Variants in RLN2 observed in about 807,000 individuals in gnomAD.
RLN2 encodes prorelaxin H2.
In RLN2, 10 loss-of-function variants were observed where a neutral mutation model predicts 7.3. The ratio of observed to expected loss-of-function variants is 1.36; its 90% CI spans 0.84 to 2.31. RLN2 has a LOEUF of 2.31. Among genes scored for constraint, RLN2 ranks in the 30% most tolerant of loss-of-function variants. RLN2 has a pLI of 0.00. For missense variants in RLN2, 298 were observed against 217.6 expected, an observed-to-expected ratio of 1.37 and a Z score of -2.32; for synonymous variants, 103 against 82.3, an observed-to-expected ratio of 1.25 and a Z score of -1.36.
the RLN2 span, among the ~76,000 whole-genome samples, chr9:5,322,822 T>G: frequency 6.6e-6 from 1 of 151,992 alleles, no homozygotes; most frequent in Non-Finnish European, 1.5e-5. Context: ...CACATGATGT[T>G]ATAATATTGG....
the RLN2 span, among the ~76,000 whole-genome samples, chr9:5,312,305 T>G: frequency 2.0e-5 from 3 of 152,170 alleles, no homozygotes; most frequent in African/African-American, 7.2e-5. Context: ...AGACATCTAT[T>G]GGGACCTGAC....
chr9:5,305,272 C>T (rs970391301), upstream of RLN2, among the ~76,000 whole-genome samples: 4 of 151,664 alleles, frequency 2.6e-5, no homozygotes, highest in Non-Finnish European at 4.4e-5. Context: ...TTTCCTTCCA[C>T]TCTTGGGGAT....
At chr9:5,321,627 G>A in the RLN2 span, among the ~76,000 whole-genome samples, 1 of 151,910 alleles carries the variant, frequency 6.6e-6, no homozygotes, top group Non-Finnish European at 1.5e-5. Context: ...GGGATGCAGG[G>A]TGGGGGGAAG....
chr9:5,300,245 T>G lies in RLN2; in HGVS notation c.411A>C (p.Gln137His), dbSNP rs1816084704. Residue 137 changes from glutamine to histidine, a missense_variant, in exon 2 of 2, where the codon CAA becomes CAC. Transcript: ENST00000381627. ...AAGGACTGCTGTCTGCGGCTTCACTTTGTCTATTGCGAATAAGTTTCTTAA... is the reference window on the plus strand; with the variant it reads ...AAGGACTGCTGTCTGCGGCTTCACTGTGTCTATTGCGAATAAGTTTCTTAA... The part of the protein sequence containing the change: ...EEFKKLIRNR[Q>H]SEAADSSPSE... 1 of 1,613,922 alleles carries G rather than the reference T, an allele frequency of 6.2e-7. No homozygotes were observed.
the RLN2 span, among the ~76,000 whole-genome samples, chr9:5,316,644 T>C: frequency 1.3e-5 from 2 of 152,114 alleles, no homozygotes; most frequent in African/African-American, 2.4e-5. Context: ...TATGGCTGCA[T>C]AGTATTCCAT....
At chr9:5,330,266 A>G in the RLN2 span, among the ~76,000 whole-genome samples, 2 of 152,072 alleles carry the variant, frequency 1.3e-5, no homozygotes, top group Non-Finnish European at 2.9e-5. Context: ...AGCAGTGTGT[A>G]GAAGAAAATT....
the RLN2 span, among the ~76,000 whole-genome samples, chr9:5,337,821 A>T: frequency 6.6e-6 from 1 of 152,082 alleles, no homozygotes; most frequent in Non-Finnish European, 1.5e-5. Flanking sequence ...AAAGAAATAA[A>T]AGTGTAGCTA....
chr9:5,302,015 T>G (rs1816157314), intron 1 of RLN2, among the ~76,000 whole-genome samples: 1 of 152,178 alleles, frequency 6.6e-6, no homozygotes, highest in Non-Finnish European at 1.5e-5. Context: ...CTCTCTTTGA[T>G]CCAACCTAAA....
chr9:5,307,161 T>C (rs563651531), upstream of RLN2, among the ~76,000 whole-genome samples: 20 of 152,028 alleles, frequency 1.3e-4, no homozygotes, highest in African/African-American at 4.6e-4. Flanking sequence ...TGGATGCTTT[T>C]TCTCACAGGC....
At chr9:5,304,152 C>T (rs1323697751) in intron 1 of RLN2, 1 of 439,910 alleles carries the variant, frequency 2.3e-6, no homozygotes, top group South Asian at 2.2e-5. Flanking sequence ...AGTGCTTTCC[C>T]TCCGTCCGGT....
At chr9:5,327,806 C>T in the RLN2 span, among the ~76,000 whole-genome samples, 1 of 152,038 alleles carries the variant, frequency 6.6e-6, no homozygotes, top group Non-Finnish European at 1.5e-5. Flanking sequence ...TCCAACACAC[C>T]TGCAGCTGAG....
At position 5,299,947 on chromosome 9, in the gene RLN2, A is replaced by T. The variant is rs1285115418; in HGVS notation, c.*151T>A. The T allele has an allele frequency of 6.3e-6, 3 of 474,492 alleles. No individual in the cohort carries two copies. Among genetic ancestry groups the T allele is most frequent in the African/African-American group, 6.0e-5 (3 of 50,244 alleles). The allele number at this position is 474,492 out of a possible 1,614,324, so 29.4% of individuals were successfully genotyped here. A position where few individuals can be genotyped will look rare whatever the true frequency, so the allele number is the denominator to read the frequency against. On this transcript the variant is annotated 3_prime_UTR_variant, in exon 2 of 2. Coordinates refer to ENST00000381627, the MANE Select transcript of RLN2 (RefSeq NM_134441.3). ...TAAAAAAATCTAAACATCAACAAAG[A>T]TGTTTAGATATTCTAAGAATTGATG...
At chr9:5,335,239 A>T in the RLN2 span, 1 of 1,538,326 alleles carries the variant, frequency 6.5e-7, no homozygotes, top group Non-Finnish European at 8.8e-7. Context: ...GATGTGCACA[A>T]TTAGCTTCAT....
the RLN2 span, chr9:5,335,461 T>C: frequency 2.5e-6 from 4 of 1,613,622 alleles, no homozygotes; most frequent in East Asian, 6.7e-5. Context: ...TTAATGCAGG[T>C]ACATACTGCT....
the RLN2 span, among the ~76,000 whole-genome samples, chr9:5,319,107 T>C: frequency 7.8e-3 from 1,187 of 152,114 alleles, 16 homozygotes; most frequent in Admixed American, 0.012. Flanking sequence ...CTTTTTATCA[T>C]TAACACCAAG....
the RLN2 span, among the ~76,000 whole-genome samples, chr9:5,312,474 T>C: frequency 9.4e-4 from 143 of 152,208 alleles, 3 homozygotes; most frequent in African/African-American, 3.2e-3. Context: ...AGGGTCGGCT[T>C]GTGAAAAGTT....
At chr9:5,304,722 C>G (rs1816211404), upstream of RLN2, 2 of 782,724 alleles carry the variant, frequency 2.6e-6, no homozygotes, top group Non-Finnish European at 4.2e-6. Context: ...TTTTGTATCC[C>G]TTGGGCTATC....
At chr9:5,316,206 A>G in the RLN2 span, among the ~76,000 whole-genome samples, 2 of 152,048 alleles carry the variant, frequency 1.3e-5, no homozygotes, top group South Asian at 4.2e-4. Flanking sequence ...TTAAGTATAT[A>G]CTTATCATTG....
At chr9:5,321,454 T>C in the RLN2 span, among the ~76,000 whole-genome samples, 12 of 152,072 alleles carry the variant, frequency 7.9e-5, 1 homozygote, top group Non-Finnish European at 1.8e-4. Flanking sequence ...ATTTACACTT[T>C]GTATTTCTTT....
Sources: gnomAD v4.1 joint callset for allele counts (sites outside exome capture counted in the v4.1 genomes callset) on GRCh38, gnomAD v4.1.1 for gene constraint, MANE v1.5 for transcripts, NCBI Gene and HGNC (gene_info 2026-07-23, HGNC 2026-07-21) for gene names.